Variants in ZNF83 observed in about 807,000 individuals in gnomAD.
ZNF83 encodes the protein zinc finger protein 816B.
For synonymous variants in ZNF83, 209 were observed against 213.0 expected (o/e 0.98, Z 0.17); for missense variants, 552 against 629.9 (o/e 0.88, Z 1.32).
chr19:52,628,760 C>G (rs2060838032), intron 2 of ZNF83, among the ~76,000 whole-genome samples: 1 of 151,930 alleles, frequency 6.6e-6, no homozygotes, highest in African/African-American at 2.4e-5. Flanking sequence ...CTCCTTCACC[C>G]TTAGCAGCAA....
chr19:52,660,545 G>A (rs1215610563), intron 2 of ZNF83, among the ~76,000 whole-genome samples: 2 of 152,068 alleles, frequency 1.3e-5, no homozygotes, highest in Non-Finnish European at 2.9e-5. Context: ...TTGACCCTGG[G>A]AGGTGGAGGT....
chr19:52,630,772 C>T (rs1259737549), intron 2 of ZNF83, among the ~76,000 whole-genome samples: 2 of 152,112 alleles, frequency 1.3e-5, no homozygotes, highest in Non-Finnish European at 2.9e-5. Context: ...TCCCATCCCA[C>T]AGCACGCTTT....
upstream of ZNF83, among the ~76,000 whole-genome samples, chr19:52,640,722 G>T (rs115446651): frequency 2.0e-5 from 3 of 152,038 alleles, no homozygotes; most frequent in Admixed American, 6.6e-5. Context: ...CCAGACTGAG[G>T]GGGGAGTTCG....
intron 2 of ZNF83, among the ~76,000 whole-genome samples, chr19:52,619,296 C>G (rs907624216): frequency 5.3e-5 from 8 of 152,010 alleles, no homozygotes; most frequent in Admixed American, 2.0e-4. Flanking sequence ...ACAAGAAACA[C>G]TCAAATAAAT....
chr19:52,684,372 T>A (rs2061978139), intron 1 of ZNF83, among the ~76,000 whole-genome samples: 1 of 150,992 alleles, frequency 6.6e-6, no homozygotes, highest in Non-Finnish European at 1.5e-5. Flanking sequence ...AAATAAAATA[T>A]AATAAAATAA....
At chr19:52,637,539 T>C (rs571428947) in intron 1 of ZNF83, among the ~76,000 whole-genome samples, 17 of 152,186 alleles carry the variant, frequency 1.1e-4, no homozygotes, top group Non-Finnish European at 2.2e-4. Context: ...TTTTTTTCTT[T>C]TCACTTTTGC....
intron 3 of ZNF83, among the ~76,000 whole-genome samples, chr19:52,644,191 T>TTC (rs1203453034): frequency 6.7e-6 from 1 of 149,482 alleles, no homozygotes; most frequent in Non-Finnish European, 1.5e-5. Flanking sequence ...TTTTTTTTTT[T>TTC]TCATTTTTAG....
At chr19:52,643,720 A>T (rs1350545097) in intron 3 of ZNF83, among the ~76,000 whole-genome samples, 1 of 146,954 alleles carries the variant, frequency 6.8e-6, no homozygotes, top group Non-Finnish European at 1.5e-5. Flanking sequence ...AAAAAAAAAA[A>T]TTCCTGAGTA....
intron 3 of ZNF83, among the ~76,000 whole-genome samples, chr19:52,645,051 C>T (rs1267897611): frequency 6.6e-6 from 1 of 150,558 alleles, no homozygotes; most frequent in East Asian, 1.9e-4. Flanking sequence ...TTTGGCACAG[C>T]GTTCCGTGCC....
chr19:52,660,475 C>G (rs904624203), intron 2 of ZNF83, among the ~76,000 whole-genome samples: 2 of 146,256 alleles, frequency 1.4e-5, no homozygotes, highest in Non-Finnish European at 2.9e-5. Context: ...AAAATTAGCC[C>G]AGAGTGGTGG....
At chr19:52,670,384 T>C (rs1203784087) in intron 1 of ZNF83, among the ~76,000 whole-genome samples, 1 of 152,216 alleles carries the variant, frequency 6.6e-6, no homozygotes, top group Non-Finnish European at 1.5e-5. Context: ...GCAAGGGCCA[T>C]GTGCATCAGA....
intron 1 of ZNF83, among the ~76,000 whole-genome samples, chr19:52,669,826 T>C (rs962666085): frequency 2.0e-5 from 3 of 152,150 alleles, no homozygotes; most frequent in Admixed American, 6.5e-5. Flanking sequence ...CTCATAAAAA[T>C]GGCAGTTACT....
intron 1 of ZNF83, among the ~76,000 whole-genome samples, chr19:52,679,027 CA>C (rs1178092810): frequency 6.6e-6 from 1 of 151,502 alleles, no homozygotes; most frequent in Non-Finnish European, 1.5e-5. Context: ...TTCAACCTCA[CA>C]AGCTCCCTTA....
At chr19:52,653,428 T>C in intron 3 of ZNF83, 1 of 823,328 alleles carries the variant, frequency 1.2e-6, no homozygotes, top group Admixed American at 1.8e-5. Context: ...AACTCTGTTA[T>C]GGCGTGAAAG....
Position 52,620,268 on chromosome 19 carries a change from C to CTGTGTGTGTGTG in ZNF83, c.-233-5472_-233-5471insCACACACACACA, listed in dbSNP as rs1346555908. ...TGTGTGTATATCTGTGTGTGTATATCTCTGTGTGTGTGTGTGTGTGTGTGT... is the reference window on the plus strand; with the variant it reads ...TGTGTGTATATCTGTGTGTGTATATCTGTGTGTGTGTGTCTGTGTGTGTGTGTGTGTGTGTGT... On this transcript the variant is annotated intron_variant, in intron 2 of 2. Coordinates refer to ENST00000301096, the Ensembl canonical transcript of ZNF83. 1.4e-3 allele frequency among the ~76,000 whole-genome samples: 172 copies of CTGTGTGTGTGTG among 121,312 alleles called. 1 individual carries two copies. The highest frequency in any genetic ancestry group is 5.0e-3 in the African/African-American group (154 of 30,886). 79.6% of individuals were successfully genotyped at this position (121,312 alleles called of 152,430 possible). A position where few individuals can be genotyped will look rare whatever the true frequency, so the allele number is the denominator to read the frequency against.
intron 1 of ZNF83, among the ~76,000 whole-genome samples, chr19:52,668,782 T>C (rs2061686383): frequency 6.6e-6 from 1 of 152,194 alleles, no homozygotes; most frequent in Non-Finnish European, 1.5e-5. Flanking sequence ...GAGGCCCAGA[T>C]TGTCCCCTTT....
At chr19:52,660,772 G>A (rs2061569558) in exon 2 of ZNF83, 2 of 213,428 alleles carry the variant, frequency 9.4e-6, no homozygotes, top group African/African-American at 4.7e-5. Flanking sequence ...CTGAGGAAGA[G>A]CCATCCTTGT....
intron 1 of ZNF83, among the ~76,000 whole-genome samples, chr19:52,684,259 G>A (rs974909562): frequency 2.6e-4 from 39 of 151,962 alleles, no homozygotes; most frequent in Admixed American, 2.5e-3. Context: ...CCAGCTACTC[G>A]GGAGGCTGAG....
intron 1 of ZNF83, among the ~76,000 whole-genome samples, chr19:52,680,940 T>G (rs1466481875): frequency 1.3e-5 from 2 of 151,760 alleles, no homozygotes; most frequent in African/African-American, 2.4e-5. Context: ...ATCCCTTAAG[T>G]CACTGTGGAT....
Sources: gnomAD v4.1 joint callset for allele counts (sites outside exome capture counted in the v4.1 genomes callset) on GRCh38, gnomAD v4.1.1 for gene constraint, MANE v1.5 for transcripts, NCBI Gene and HGNC (gene_info 2026-07-23, HGNC 2026-07-21) for gene names.